The following PPP2R2D variants were observed in gnomAD, a reference collection of about 807,000 sequenced individuals.
PPP2R2D encodes serine/threonine-protein phosphatase 2A 55 kDa regulatory subunit B delta isoform.
PPP2R2D carries 9 observed loss-of-function variants against 31.1 expected under a neutral mutation model. The ratio of observed to expected loss-of-function variants is 0.29; its 90% CI spans 0.17 to 0.51. PPP2R2D has a LOEUF of 0.51. Ranked by LOEUF, PPP2R2D falls within the 20% of genes least tolerant of loss-of-function variation. The pLI is 0.98. For missense variants in PPP2R2D, 391 were observed against 465.6 expected, an observed-to-expected ratio of 0.84 and a Z score of 1.48; for synonymous variants, 179 against 172.6, an observed-to-expected ratio of 1.04 and a Z score of -0.29.
intron 2 of PPP2R2D, among the ~76,000 whole-genome samples, chr10:131,911,086 ACT>A (rs1302164134): frequency 6.6e-6 from 1 of 152,112 alleles, no homozygotes; most frequent in Non-Finnish European, 1.5e-5. Flanking sequence ...GGTTGTGGAC[ACT>A]CTGATTGATA....
intron 3 of PPP2R2D, among the ~76,000 whole-genome samples, chr10:131,937,794 G>T (rs1217030740): frequency 1.3e-5 from 2 of 152,206 alleles, no homozygotes; most frequent in Non-Finnish European, 2.9e-5. Context: ...AAATAATTTG[G>T]TTCCACTTTT....
chr10:131,946,113 G>A (rs1452202651), intron 7 of PPP2R2D, among the ~76,000 whole-genome samples: 2 of 152,216 alleles, frequency 1.3e-5, no homozygotes, highest in African/African-American at 4.8e-5. Context: ...GCACACAGGA[G>A]GCCATTCCCA....
At chr10:131,915,692 G>A (rs1019130341) in intron 2 of PPP2R2D, among the ~76,000 whole-genome samples, 9 of 152,194 alleles carry the variant, frequency 5.9e-5, no homozygotes, top group East Asian at 3.8e-4. Context: ...TGCCGTGGCC[G>A]CGCTTCTCCA....
chr10:131,963,081 C>T (rs1044598047), downstream of PPP2R2D, among the ~76,000 whole-genome samples: 1 of 152,184 alleles, frequency 6.6e-6, no homozygotes, highest in African/African-American at 2.4e-5. Context: ...AGGACAATCA[C>T]TTGAACCCAG....
intron 2 of PPP2R2D, among the ~76,000 whole-genome samples, chr10:131,910,468 G>A (rs2035664785): frequency 6.6e-6 from 1 of 152,120 alleles, no homozygotes; most frequent in Non-Finnish European, 1.5e-5. Flanking sequence ...TTTATCATTG[G>A]TAACAAATAC....
chr10:131,967,787 T>G, the PPP2R2D span: 1 of 152,476 alleles, frequency 6.6e-6, no homozygotes, highest in African/African-American at 2.4e-5. Context: ...ACACAAAAGT[T>G]GAACACAAAG....
At chr10:131,942,490 A>G (rs1162498634) in intron 5 of PPP2R2D, among the ~76,000 whole-genome samples, 2 of 152,232 alleles carry the variant, frequency 1.3e-5, no homozygotes, top group Non-Finnish European at 1.5e-5. Flanking sequence ...ATCTGAGCCT[A>G]ACTGGGTAAG....
intron 2 of PPP2R2D, among the ~76,000 whole-genome samples, chr10:131,924,603 G>A (rs1349719782): frequency 6.6e-6 from 1 of 151,576 alleles, no homozygotes; most frequent in Non-Finnish European, 1.5e-5. Context: ...GGAAGTGTCA[G>A]TCTTCCTCCT....
intron 3 of PPP2R2D, among the ~76,000 whole-genome samples, chr10:131,939,500 A>G (rs2036400738): frequency 9.6e-6 from 1 of 104,038 alleles, no homozygotes; most frequent in South Asian, 3.7e-4. Flanking sequence ...CATTCGGCAG[A>G]CCTGCTCCAG....
chr10:131,901,219 C>T lies in PPP2R2D; in HGVS notation c.8-19C>T. On this transcript the variant is annotated intron_variant, in intron 1 of 8. Coordinates refer to ENST00000455566, the MANE Select transcript of PPP2R2D (RefSeq NM_018461.5). ...GGGCGGGGGCCGCGGCCGGCCTGAC[C>T]GCCCCGTTGTGTTTGCAGGAGCCGG... 2.9e-6 allele frequency: 1 copy of T among 346,828 alleles called. No homozygotes were observed. The highest frequency in any genetic ancestry group is 4.8e-5 in the Admixed American group (1 of 20,836). The allele number at this position is 346,828 out of a possible 1,614,324, so 21.5% of individuals were successfully genotyped here. A position where few individuals can be genotyped will look rare whatever the true frequency, so the allele number is the denominator to read the frequency against.
intron 2 of PPP2R2D, among the ~76,000 whole-genome samples, chr10:131,926,406 A>G (rs1167006412): frequency 1.3e-5 from 2 of 152,162 alleles, no homozygotes; most frequent in Non-Finnish European, 2.9e-5. Flanking sequence ...AGCTGAGCGC[A>G]GTGGCTCACG....
At chr10:131,929,836 C>A (rs568495710) in intron 2 of PPP2R2D, among the ~76,000 whole-genome samples, 12 of 152,294 alleles carry the variant, frequency 7.9e-5, no homozygotes, top group African/African-American at 2.9e-4. Flanking sequence ...CCTCATAGCA[C>A]CCGAATGTCC....
chr10:131,921,541 T>C (rs973934029), intron 2 of PPP2R2D, among the ~76,000 whole-genome samples: 1 of 151,948 alleles, frequency 6.6e-6, no homozygotes. Context: ...GGACTTGACA[T>C]GGGAGAAGAA....
the PPP2R2D span, chr10:131,971,201 G>A: frequency 3.7e-6 from 2 of 547,840 alleles, no homozygotes; most frequent in South Asian, 4.1e-5. Context: ...GATCACCTCT[G>A]GGGGAGCCCC....
At chr10:131,913,364 C>T (rs1257148561) in intron 2 of PPP2R2D, among the ~76,000 whole-genome samples, 1 of 151,996 alleles carries the variant, frequency 6.6e-6, no homozygotes, top group Non-Finnish European at 1.5e-5. Context: ...GAATATTAGT[C>T]TCCTGAGTTT....
chr10:131,950,703 G>A (rs1204130514), intron 8 of PPP2R2D, among the ~76,000 whole-genome samples: 1 of 152,192 alleles, frequency 6.6e-6, no homozygotes, highest in Non-Finnish European at 1.5e-5. Flanking sequence ...GCAGCCTGCA[G>A]GGAAGAGCAG....
chr10:131,945,757 G>A lies in PPP2R2D; in HGVS notation c.820+298G>A. The A allele has an allele frequency of 3.3e-6, 1 of 304,824 alleles. No homozygotes were observed. Among genetic ancestry groups the A allele is most frequent in the Non-Finnish European group, 6.1e-6 (1 of 162,810 alleles). 18.9% of individuals were successfully genotyped at this position (304,824 alleles called of 1,614,324 possible). On this transcript the variant is annotated intron_variant, in intron 7 of 8. Transcript: ENST00000455566. The surrounding 1 kb of genome is among the most constrained non-coding windows in gnomAD (Gnocchi z 4.8). The stretch of plus-strand genomic sequence containing the variant: ...TGAGTCACCGCACCTGGTCACGCCT[G>A]GCGTCTTTTAAAGCATCTCATTTAG...
intron 6 of PPP2R2D, among the ~76,000 whole-genome samples, chr10:131,945,000 C>G (rs1488170583): frequency 1.3e-5 from 2 of 152,110 alleles, no homozygotes; most frequent in African/African-American, 2.4e-5. Flanking sequence ...TAAGTATGTA[C>G]TATCTTGCTA....
At chr10:131,944,232 C>A in intron 6 of PPP2R2D, 87 bp downstream of exon 6, 1 of 1,103,456 alleles carries the variant, frequency 9.1e-7, no homozygotes, top group Non-Finnish European at 1.3e-6. Context: ...ACCTGTATCT[C>A]GGAGTCTAGT....
Sources: allele counts gnomAD v4.1 joint callset (sites outside exome capture counted in the v4.1 genomes callset), GRCh38; gene constraint gnomAD v4.1.1; non-coding constraint Gnocchi (gnomAD v3.1); transcripts MANE v1.5; gene names NCBI Gene and HGNC (gene_info 2026-07-23, HGNC 2026-07-21).